P4HA2: variants seen among roughly 807,000 people sequenced by gnomAD.
P4HA2 encodes the protein prolyl 4-hydroxylase subunit alpha-2.
Under a neutral mutation model 76.9 loss-of-function variants are expected in P4HA2, and 46 were observed. The observed-to-expected ratio is 0.60, with a 90% CI of 0.47 to 0.76. The LOEUF is 0.76. Ranked by LOEUF, P4HA2 falls within the 30% of genes least tolerant of loss-of-function variation. P4HA2 has a pLI of 0.00. For missense variants in P4HA2, 583 were observed against 669.4 expected (o/e 0.87, Z 1.42); for synonymous variants, 243 against 254.0 (o/e 0.96, Z 0.41).
chr5:132,218,830 C>T (rs1754268951), intron 1 of P4HA2, among the ~76,000 whole-genome samples, 186 bp from the exon 2 acceptor site: 2 of 152,206 alleles, frequency 1.3e-5, no homozygotes, highest in Non-Finnish European at 2.9e-5. Context: ...GTGATGTGTG[C>T]TCAATTCTGG....
At chr5:132,215,305 C>A (rs1326424208) in intron 4 of P4HA2, among the ~76,000 whole-genome samples, 1 of 152,238 alleles carries the variant, frequency 6.6e-6, no homozygotes, top group East Asian at 1.9e-4. Flanking sequence ...ATTCTCTGGG[C>A]CTGCCCTATC....
intron 1 of P4HA2, among the ~76,000 whole-genome samples, chr5:132,220,856 C>T (rs1430628714): frequency 6.6e-6 from 1 of 152,154 alleles, no homozygotes; most frequent in East Asian, 1.9e-4. Flanking sequence ...CTACCAAGAG[C>T]CTGCAAAGTC....
chr5:132,198,297 G>A (rs201520384), intron 12 of P4HA2, 24 bp downstream of exon 12: 37 of 1,614,080 alleles, frequency 2.3e-5, no homozygotes, highest in Non-Finnish European at 2.9e-5. Flanking sequence ...AGAATGAACA[G>A]GTGGGCCTGG....
At chr5:132,200,970 T>C (rs1297833163) in intron 10 of P4HA2, 1 of 152,204 alleles carries the variant, frequency 6.6e-6, no homozygotes, top group Non-Finnish European at 1.5e-5. Flanking sequence ...CATAGGACCA[T>C]CTAGATTTGC....
At chr5:132,210,031 A>C (rs981149145) in intron 6 of P4HA2, among the ~76,000 whole-genome samples, 12 of 152,324 alleles carry the variant, frequency 7.9e-5, no homozygotes, top group Middle Eastern at 6.8e-3. Context: ...CAGAGTCCTT[A>C]TTAAAAAGGC....
At position 132,214,154 on chromosome 5, in the gene P4HA2, A is replaced by G. The variant is rs1284067732; in HGVS notation, c.332-101T>C. 8 of 1,189,204 alleles carry G rather than the reference A, an allele frequency of 6.7e-6. No homozygotes were observed. In the African/African-American group the frequency reaches 1.2e-4, roughly 18 times the overall value. 73.7% of individuals were successfully genotyped at this position (1,189,204 alleles called of 1,614,324 possible). ...CACAAAGAGGGTCTCTGGCTAGTGAAATTTCCCCGCCCCCTCCCTCAAAGG... is the reference window on the plus strand; with the variant it reads ...CACAAAGAGGGTCTCTGGCTAGTGAGATTTCCCCGCCCCCTCCCTCAAAGG... On this transcript the variant is annotated intron_variant, in intron 4 of 14. Transcript: ENST00000360568.
Position 132,217,361 on chromosome 5 carries a change from AG to A in P4HA2, c.180-14del, listed in dbSNP as rs779930137. The A allele has an allele frequency of 6.2e-7, 1 of 1,613,922 alleles. No individual in the cohort carries two copies. The highest frequency in any genetic ancestry group is 8.5e-7 in the Non-Finnish European group (1 of 1,179,824). Reference sequence around the variant, plus strand: ...TTTGTTGGCCCAGCTGTGGAACCAGAGGAAAAGGAAGACTAATGCGTCCACC... The same window carrying A: ...TTTGTTGGCCCAGCTGTGGAACCAGAGAAAAGGAAGACTAATGCGTCCACC... On this transcript the variant is annotated splice_polypyrimidine_tract_variant and intron_variant, in intron 3 of 14. Transcript: ENST00000360568.
In P4HA2 at chr5:132,218,491, T is replaced by A. The variant is rs1055844499; in HGVS notation, c.82+54A>T. ...TGAGAACAGGCTGCAGCCAGAGACA[T>A]CCGTGGCATGTGAGCCAAGGTGTCA... is the stretch of plus-strand genomic sequence containing the variant. On this transcript the variant is annotated intron_variant, in intron 2 of 14. Coordinates refer to ENST00000360568, the MANE Select transcript of P4HA2 (RefSeq NM_001017974.2). 1.7e-5 allele frequency: 21 copies of A among 1,228,824 alleles called. No individual in the cohort carries two copies. In the Admixed American group the frequency reaches 3.6e-4, roughly 21 times the overall value. 76.1% of individuals were successfully genotyped at this position (1,228,824 alleles called of 1,614,324 possible). A position where few individuals can be genotyped will look rare whatever the true frequency, so the allele number is the denominator to read the frequency against.
Position 132,192,989 on chromosome 5 carries a change from G to T in P4HA2, c.*21C>A. 3 of 1,537,570 alleles carry T rather than the reference G, an allele frequency of 2.0e-6. No homozygotes were observed. The highest frequency in any genetic ancestry group is 2.7e-6 in the Non-Finnish European group (3 of 1,110,094). ...TTGACATGGGCTGAAGGACCAGGAA[G>T]GGGAAGGACAGAAAAGGATGTCAGT... is the stretch of plus-strand genomic sequence containing the variant. On this transcript the variant is annotated 3_prime_UTR_variant, in exon 15 of 15. Coordinates refer to ENST00000360568, the MANE Select transcript of P4HA2 (RefSeq NM_001017974.2).
chr5:132,194,255 C>G (rs1750268892), intron 14 of P4HA2, among the ~76,000 whole-genome samples: 1 of 152,074 alleles, frequency 6.6e-6, no homozygotes, highest in Admixed American at 6.5e-5. Flanking sequence ...CTTTTTTTCC[C>G]CTGAATTCAG....
intron 5 of P4HA2, among the ~76,000 whole-genome samples, chr5:132,211,452 A>G (rs1325588888): frequency 1.3e-5 from 2 of 152,224 alleles, no homozygotes; most frequent in African/African-American, 4.8e-5. Context: ...TGGCTGACAC[A>G]AAAGAACTCA....
chr5:132,223,756 T>C (rs762302495), intron 1 of P4HA2, among the ~76,000 whole-genome samples: 1 of 152,226 alleles, frequency 6.6e-6, no homozygotes, highest in Non-Finnish European at 1.5e-5. Flanking sequence ...ACTACCTCCA[T>C]TTCAGATATA....
At chr5:132,220,611 A>G (rs1388766331) in intron 1 of P4HA2, among the ~76,000 whole-genome samples, 1 of 152,176 alleles carries the variant, frequency 6.6e-6, no homozygotes, top group South Asian at 2.1e-4. Context: ...TGCTCCTATC[A>G]TCTACGGTTC....
intron 4 of P4HA2, among the ~76,000 whole-genome samples, chr5:132,216,560 G>A (rs962418389): frequency 6.6e-6 from 1 of 152,172 alleles, no homozygotes; most frequent in Non-Finnish European, 1.5e-5. Flanking sequence ...GAAGAACATT[G>A]AATGGCATAT....
chr5:132,204,728 T>G (rs530434692), intron 8 of P4HA2, among the ~76,000 whole-genome samples: 1 of 152,300 alleles, frequency 6.6e-6, no homozygotes, highest in South Asian at 2.1e-4. Context: ...CAGTTTTCGC[T>G]CCCTTGGGAT....
chr5:132,208,724 A>G lies in P4HA2; in HGVS notation c.903+414T>C, dbSNP rs531247377. The stretch of plus-strand genomic sequence containing the variant: ...CACCTGGGCCTCCTCAGGAAGCACT[A>G]GGATCCCAGGGCTCTCAAAGGCTCG... On this transcript the variant is annotated intron_variant, in intron 7 of 14. Transcript: ENST00000360568. 3.9e-4 allele frequency among the ~76,000 whole-genome samples: 60 copies of G among 152,088 alleles called. No homozygotes were observed. The South Asian group carries it at 8.9e-3, about 23-fold the overall frequency.
intron 1 of P4HA2, among the ~76,000 whole-genome samples, chr5:132,226,449 A>G (rs964924945): frequency 3.3e-5 from 5 of 152,086 alleles, no homozygotes; most frequent in Non-Finnish European, 7.4e-5. Context: ...AGGGATCCCA[A>G]TGCTCTCCTG....
At position 132,195,120 on chromosome 5, in the gene P4HA2, C is replaced by G. The variant is rs1055411982; in HGVS notation, c.1435-98G>C. 4 of 808,864 alleles carry G rather than the reference C, an allele frequency of 4.9e-6. No homozygotes were observed. In the South Asian group the frequency reaches 5.8e-5, roughly 12 times the overall value. The allele number at this position is 808,864 out of a possible 1,614,324, so 50.1% of individuals were successfully genotyped here. A position where few individuals can be genotyped will look rare whatever the true frequency, so the allele number is the denominator to read the frequency against. On this transcript the variant is annotated intron_variant, in intron 13 of 14. Transcript: ENST00000360568. The stretch of plus-strand genomic sequence containing the variant: ...GAAGCTCTGCCCTGAGCAGAAACAC[C>G]CTCATTTTCCCATGGACAGGGGATA...
rs556963737 is a variant in P4HA2 at position 132,227,319 on chromosome 5, G to C, written c.-19+471C>G. 1.2e-3 allele frequency: 181 copies of C among 152,410 alleles called. 2 individuals carry two copies. The highest frequency in any genetic ancestry group is 4.1e-3 in the African/African-American group (172 of 41,578). The allele number at this position is 152,410 out of a possible 1,614,324, so 9.4% of individuals were successfully genotyped here. On this transcript the variant is annotated intron_variant, in intron 1 of 14. Coordinates refer to ENST00000360568, the MANE Select transcript of P4HA2 (RefSeq NM_001017974.2). ...TCTAATGGGCTCCAAGCTGGACCCT[G>C]CCCGGACAAGACCTAGGACTCCCAG... is the stretch of plus-strand genomic sequence containing the variant.
Sources: gnomAD v4.1 joint callset for allele counts (sites outside exome capture counted in the v4.1 genomes callset) on GRCh38, gnomAD v4.1.1 for gene constraint, MANE v1.5 for transcripts, NCBI Gene and HGNC (gene_info 2026-07-23, HGNC 2026-07-21) for gene names.